The following AKAP19 variants were observed in gnomAD, a reference collection of about 807,000 sequenced individuals.
AKAP19 encodes A-kinase anchoring protein 19.
chr2:189,917,239 G>A, the AKAP19 span: 1 of 1,170,998 alleles, frequency 8.5e-7, no homozygotes, highest in Non-Finnish European at 1.2e-6. Context: ...CTTTCATCAA[G>A]CTTTTACAAA....
the AKAP19 span, among the ~76,000 whole-genome samples, chr2:190,050,418 A>G: frequency 6.6e-6 from 1 of 152,188 alleles, no homozygotes. Context: ...TAATGTTAAA[A>G]ATTGGAAGGT....
At chr2:190,183,825 C>T in the AKAP19 span, among the ~76,000 whole-genome samples, 1 of 151,716 alleles carries the variant, frequency 6.6e-6, no homozygotes, top group Admixed American at 6.6e-5. Flanking sequence ...CTTCTGCTTG[C>T]ACCTTAGTTC....
chr2:189,920,654 T>C, the AKAP19 span, among the ~76,000 whole-genome samples: 2 of 152,216 alleles, frequency 1.3e-5, no homozygotes, highest in East Asian at 3.8e-4. Flanking sequence ...AAGGCAACAG[T>C]TCAGTCCCAC....
At chr2:189,968,071 G>GT in the AKAP19 span, among the ~76,000 whole-genome samples, 1 of 152,086 alleles carries the variant, frequency 6.6e-6, no homozygotes, top group East Asian at 1.9e-4. Flanking sequence ...ACAGTGTGTT[G>GT]TAAGTTGAGA....
At chr2:190,072,923 TAA>T in the AKAP19 span, among the ~76,000 whole-genome samples, 4 of 152,070 alleles carry the variant, frequency 2.6e-5, no homozygotes, top group African/African-American at 9.7e-5. Flanking sequence ...CTCTTTAACT[TAA>T]AAAGTTAGAA....
At chr2:190,093,804 T>C in the AKAP19 span, among the ~76,000 whole-genome samples, 4 of 152,322 alleles carry the variant, frequency 2.6e-5, no homozygotes, top group African/African-American at 9.6e-5. Context: ...AACACAGCTG[T>C]CAGTATATTT....
chr2:190,135,001 T>C, the AKAP19 span, among the ~76,000 whole-genome samples: 8 of 152,304 alleles, frequency 5.3e-5, no homozygotes, highest in East Asian at 1.5e-3. Flanking sequence ...ATTTAAAATT[T>C]TAACAGGGTC....
the AKAP19 span, among the ~76,000 whole-genome samples, chr2:190,136,361 CAA>C: frequency 1.3e-5 from 2 of 152,110 alleles, no homozygotes; most frequent in African/African-American, 4.8e-5. Context: ...ACTAGCAGCC[CAA>C]GAGTGAGCAG....
chr2:190,173,485 C>T, the AKAP19 span, among the ~76,000 whole-genome samples: 1 of 152,184 alleles, frequency 6.6e-6, no homozygotes, highest in African/African-American at 2.4e-5. Flanking sequence ...GCCTGTAGTA[C>T]TGGGGTGAAT....
the AKAP19 span, among the ~76,000 whole-genome samples, chr2:190,043,399 C>A: frequency 2.0e-5 from 3 of 152,130 alleles, no homozygotes; most frequent in East Asian, 5.8e-4. Flanking sequence ...CCTTTTTATT[C>A]TTTTTTCTTT....
chr2:189,983,822 C>T, the AKAP19 span, among the ~76,000 whole-genome samples: 1 of 152,088 alleles, frequency 6.6e-6, no homozygotes, highest in East Asian at 1.9e-4. Flanking sequence ...TTTTCCTAAG[C>T]GTTGGCAGGC....
At chr2:190,175,793 T>C in the AKAP19 span, among the ~76,000 whole-genome samples, 114 of 152,310 alleles carry the variant, frequency 7.5e-4, no homozygotes, top group South Asian at 5.8e-3. Context: ...TATATTAAAA[T>C]ATTATAATGG....
chr2:190,048,886 T>G, the AKAP19 span, among the ~76,000 whole-genome samples: 26 of 152,262 alleles, frequency 1.7e-4, no homozygotes, highest in African/African-American at 5.8e-4. Flanking sequence ...TCCTTCACAC[T>G]TATGACAAAA....
At chr2:190,100,937 T>C in the AKAP19 span, among the ~76,000 whole-genome samples, 1 of 152,156 alleles carries the variant, frequency 6.6e-6, no homozygotes, top group Non-Finnish European at 1.5e-5. Flanking sequence ...TAACTCACCC[T>C]TCCACTGGGG....
At chr2:190,075,070 A>G in the AKAP19 span, among the ~76,000 whole-genome samples, 1 of 152,346 alleles carries the variant, frequency 6.6e-6, no homozygotes, top group African/African-American at 2.4e-5. Flanking sequence ...TAAAAAATTT[A>G]AATTCCAACA....
the AKAP19 span, among the ~76,000 whole-genome samples, chr2:189,990,540 T>G: frequency 1.3e-5 from 2 of 152,268 alleles, no homozygotes; most frequent in African/African-American, 4.8e-5. Flanking sequence ...TAAGGATGTT[T>G]GTTTTAATAT....
the AKAP19 span, among the ~76,000 whole-genome samples, chr2:190,116,872 C>T: frequency 6.6e-6 from 1 of 152,122 alleles, no homozygotes; most frequent in Non-Finnish European, 1.5e-5. Flanking sequence ...GACCCATCAC[C>T]CTACTCTACT....
At chr2:190,052,257 G>A in the AKAP19 span, among the ~76,000 whole-genome samples, 2 of 152,150 alleles carry the variant, frequency 1.3e-5, no homozygotes, top group African/African-American at 4.8e-5. Flanking sequence ...TACTTGAGTT[G>A]CCTGAAAAGT....
chr2:189,914,059 AT>A, the AKAP19 span, among the ~76,000 whole-genome samples: 1 of 152,056 alleles, frequency 6.6e-6, no homozygotes, highest in African/African-American at 2.4e-5. Flanking sequence ...TGTGTCTTTT[AT>A]TATCAGTAAA....
Sources: gnomAD v4.1 joint callset for allele counts (sites outside exome capture counted in the v4.1 genomes callset) on GRCh38, gnomAD v4.1.1 for gene constraint, MANE v1.5 for transcripts, NCBI Gene and HGNC (gene_info 2026-07-23, HGNC 2026-07-21) for gene names.